Variants in FANCL observed in about 807,000 individuals in gnomAD.
FANCL encodes E3 ubiquitin-protein ligase FANCL.
FANCL carries 69 observed loss-of-function variants against 59.4 expected under a neutral mutation model. That is an observed-to-expected ratio of 1.16 (90% CI 0.96 to 1.42). The LOEUF (loss-of-function observed/expected upper bound fraction) is 1.42, where lower values mean the gene tolerates loss of function less well. FANCL is among the 40% of genes most tolerant of loss of function. The probability of loss-of-function intolerance (pLI) is 0.00; values close to 1 mark genes in which losing one functional copy is unlikely to be tolerated. For synonymous variants in FANCL, 180 were observed against 147.1 expected (o/e 1.22, Z -1.62); for missense variants, 519 against 447.2 (o/e 1.16, Z -1.45).
chr2:58,183,236 A>T (rs1423737016), intron 7 of FANCL, among the ~76,000 whole-genome samples: 3 of 151,906 alleles, frequency 2.0e-5, no homozygotes, highest in Admixed American at 6.6e-5. Flanking sequence ...ATAATTCCCT[A>T]AAAAGTATAT....
chr2:58,213,943 C>T (rs904467790), intron 5 of FANCL, among the ~76,000 whole-genome samples: 3 of 152,108 alleles, frequency 2.0e-5, no homozygotes, highest in Admixed American at 6.5e-5. Context: ...GGCTCCATAT[C>T]GGAGCTGCCC....
intron 1 of FANCL, among the ~76,000 whole-genome samples, chr2:58,236,313 A>G (rs757321657): frequency 6.6e-6 from 1 of 152,048 alleles, no homozygotes; most frequent in Non-Finnish European, 1.5e-5. Flanking sequence ...AAACAGTGCA[A>G]GACAGTGAAG....
intron 5 of FANCL, among the ~76,000 whole-genome samples, chr2:58,210,714 T>C (rs1369217806): frequency 6.6e-6 from 1 of 152,032 alleles, no homozygotes; most frequent in Non-Finnish European, 1.5e-5. Flanking sequence ...AGGCATTCGA[T>C]AAATACAGCC....
At chr2:58,179,922 G>A (rs1245805626) in intron 7 of FANCL, among the ~76,000 whole-genome samples, 2 of 152,090 alleles carry the variant, frequency 1.3e-5, no homozygotes, top group African/African-American at 4.8e-5. Flanking sequence ...GATATGAACA[G>A]ACATTTCTCA....
At position 58,185,275 on chromosome 2, in the gene FANCL, G is replaced by C. The variant is rs1688291918; in HGVS notation, c.540+13319C>G. Among the ~76,000 whole-genome samples the C allele has an allele frequency of 3.3e-5, 5 of 152,224 alleles. No individual in the cohort carries two copies. The South Asian group carries it at 1.0e-3, about 32-fold the overall frequency. The stretch of plus-strand genomic sequence containing the variant: ...TCAATCCAATATTAAGTTCTCCTAA[G>C]GCACTTAATGAAATTCTCTGCACCT... On this transcript the variant is annotated intron_variant, in intron 7 of 13. Coordinates refer to ENST00000233741, the MANE Select transcript of FANCL (RefSeq NM_018062.4).
intron 6 of FANCL, 34 bp from the exon 7 acceptor site, chr2:58,198,696 C>G (rs763670271): frequency 2.6e-6 from 4 of 1,553,290 alleles, no homozygotes; most frequent in Non-Finnish European, 3.6e-6. Flanking sequence ...ACCATTTTTG[C>G]TTCTGTGTGT....
intron 1 of FANCL, among the ~76,000 whole-genome samples, chr2:58,239,000 T>C (rs1375519551): frequency 6.6e-6 from 1 of 152,160 alleles, no homozygotes; most frequent in Non-Finnish European, 1.5e-5. Context: ...TAAAAGTCCA[T>C]GCATCCATTC....
At chr2:58,183,673 T>C (rs563020028) in intron 7 of FANCL, among the ~76,000 whole-genome samples, 58 of 152,074 alleles carry the variant, frequency 3.8e-4, no homozygotes, top group African/African-American at 1.3e-3. Flanking sequence ...CTTTGTACCT[T>C]TCCATATTTT....
chr2:58,191,786 T>C (rs955521209), intron 7 of FANCL, among the ~76,000 whole-genome samples: 3 of 151,892 alleles, frequency 2.0e-5, no homozygotes, highest in Non-Finnish European at 4.4e-5. Flanking sequence ...ATATTAAGAG[T>C]TCACCAGTTT....
chr2:58,205,694 G>C (rs1690511961), intron 5 of FANCL, among the ~76,000 whole-genome samples: 1 of 152,062 alleles, frequency 6.6e-6, no homozygotes, highest in Non-Finnish European at 1.5e-5. Flanking sequence ...AAAATGTAGA[G>C]TAGTTAAAAG....
chr2:58,226,631 A>C lies in FANCL; in HGVS notation c.273+97T>G. 5.6e-6 allele frequency: 5 copies of C among 886,458 alleles called. 1 individual carries two copies. Among genetic ancestry groups the C allele is most frequent in the South Asian group, 4.4e-5 (3 of 67,976 alleles). The allele number at this position is 886,458 out of a possible 1,614,324, so 54.9% of individuals were successfully genotyped here. A position where few individuals can be genotyped will look rare whatever the true frequency, so the allele number is the denominator to read the frequency against. Reference sequence around the variant, plus strand: ...AACATCAAATGACTGAGAGTTAAGAAGACAAATTCTAATAATGTCAGTTTT... The same window carrying C: ...AACATCAAATGACTGAGAGTTAAGACGACAAATTCTAATAATGTCAGTTTT... On this transcript the variant is annotated intron_variant, in intron 4 of 13. Coordinates refer to ENST00000233741, the MANE Select transcript of FANCL (RefSeq NM_018062.4).
intron 5 of FANCL, among the ~76,000 whole-genome samples, chr2:58,210,856 G>A (rs1018396323): frequency 2.6e-5 from 4 of 152,166 alleles, no homozygotes; most frequent in South Asian, 2.1e-4. Flanking sequence ...TCCAGATCAT[G>A]CTGATACAAG....
chr2:58,216,196 A>T (rs1445853115), intron 5 of FANCL, among the ~76,000 whole-genome samples: 1 of 152,196 alleles, frequency 6.6e-6, no homozygotes, highest in Non-Finnish European at 1.5e-5. Flanking sequence ...AGCTTGAGAC[A>T]GGAAGGGCAG....
intron 1 of FANCL, among the ~76,000 whole-genome samples, chr2:58,235,574 A>C (rs567111181): frequency 6.6e-6 from 1 of 152,238 alleles, no homozygotes; most frequent in South Asian, 2.1e-4. Context: ...GAGAACAAAA[A>C]TATCTAGCAT....
intron 7 of FANCL, among the ~76,000 whole-genome samples, chr2:58,174,096 A>G (rs1352332123): frequency 2.5e-4 from 38 of 152,184 alleles, no homozygotes. Flanking sequence ...ACTATCCTAA[A>G]TATATATGCA....
At chr2:58,188,669 G>A (rs190572769) in intron 7 of FANCL, among the ~76,000 whole-genome samples, 1 of 151,766 alleles carries the variant, frequency 6.6e-6, no homozygotes, top group East Asian at 1.9e-4. Context: ...CCAACTGCTG[G>A]GCTCAATCAA....
intron 7 of FANCL, among the ~76,000 whole-genome samples, chr2:58,186,052 T>G (rs556002506): frequency 1.3e-5 from 2 of 152,128 alleles, no homozygotes; most frequent in African/African-American, 4.8e-5. Flanking sequence ...ATTTTTCAAA[T>G]AGTGACAAGT....
chr2:58,237,153 A>T (rs1290376667), intron 1 of FANCL, among the ~76,000 whole-genome samples: 2 of 152,126 alleles, frequency 1.3e-5, no homozygotes, highest in Non-Finnish European at 2.9e-5. Flanking sequence ...ACTCTACCCA[A>T]TAGCAACAGA....
chr2:58,163,177 A>G, intron 9 of FANCL, 103 bp from the exon 10 acceptor site: 4 of 1,045,790 alleles, frequency 3.8e-6, no homozygotes, highest in Non-Finnish European at 5.7e-6. Flanking sequence ...TTAGAAAATC[A>G]AAATTATATG....
Sources: allele counts gnomAD v4.1 joint callset (sites outside exome capture counted in the v4.1 genomes callset), GRCh38; gene constraint gnomAD v4.1.1; transcripts MANE v1.5; gene names NCBI Gene and HGNC (gene_info 2026-07-23, HGNC 2026-07-21).